Variants in BRINP3 observed in about 807,000 individuals in gnomAD.
The protein encoded by BRINP3 is BMP/retinoic acid-inducible neural-specific protein 3.
Under a neutral mutation model 71.0 loss-of-function variants are expected in BRINP3, and 19 were observed. The ratio of observed to expected loss-of-function variants is 0.27; its 90% confidence interval spans 0.19 to 0.39. BRINP3 has a LOEUF of 0.39. Among genes scored for constraint, BRINP3 ranks in the 10% least tolerant of loss-of-function variants. The pLI, the probability that BRINP3 is intolerant of heterozygous loss-of-function variation, is 1.00. For missense variants in BRINP3, 959 were observed against 940.8 expected (o/e 1.02, Z -0.25); for synonymous variants, 380 against 337.7 (o/e 1.13, Z -1.37).
At chr1:190,208,370 A>C (rs1433509367) in intron 6 of BRINP3, among the ~76,000 whole-genome samples, 3 of 152,084 alleles carry the variant, frequency 2.0e-5, no homozygotes, top group Non-Finnish European at 2.9e-5. Context: ...TACTTAATGC[A>C]TGCAGAGATA....
chr1:190,241,078 C>A (rs888621622), intron 4 of BRINP3, among the ~76,000 whole-genome samples: 1 of 151,684 alleles, frequency 6.6e-6, no homozygotes, highest in Non-Finnish European at 1.5e-5. Flanking sequence ...GTACTGGGCA[C>A]ATGGTAGAAA....
At chr1:190,264,803 C>A in intron 4 of BRINP3, 62 bp downstream of exon 4, 1 of 1,395,098 alleles carries the variant, frequency 7.2e-7, no homozygotes, top group Non-Finnish European at 9.8e-7. Flanking sequence ...ATAAAAATGC[C>A]TTTTGGATAT....
At chr1:190,402,279 T>C (rs1364429628) in intron 2 of BRINP3, among the ~76,000 whole-genome samples, 1 of 152,186 alleles carries the variant, frequency 6.6e-6, no homozygotes, top group Non-Finnish European at 1.5e-5. Context: ...CAGTTGATTC[T>C]AGTTTTCTCT....
intron 2 of BRINP3, among the ~76,000 whole-genome samples, chr1:190,306,863 T>G (rs1665138205): frequency 6.6e-6 from 1 of 152,016 alleles, no homozygotes; most frequent in South Asian, 2.1e-4. Context: ...GTTTAGAATA[T>G]TTAAATAAAA....
At chr1:190,437,578 A>G (rs1674547087) in intron 2 of BRINP3, among the ~76,000 whole-genome samples, 1 of 151,836 alleles carries the variant, frequency 6.6e-6, no homozygotes, top group Non-Finnish European at 1.5e-5. Context: ...CTACTATTAA[A>G]GTCTCTGTTA....
intron 7 of BRINP3, among the ~76,000 whole-genome samples, chr1:190,124,409 C>G (rs760870358): frequency 3.3e-5 from 5 of 152,024 alleles, no homozygotes; most frequent in Admixed American, 1.3e-4. Flanking sequence ...AATAGCAGCA[C>G]AAAACAGACT....
intron 2 of BRINP3, among the ~76,000 whole-genome samples, chr1:190,375,288 T>C (rs1670112619): frequency 1.3e-5 from 2 of 151,890 alleles, no homozygotes; most frequent in African/African-American, 2.4e-5. Context: ...TGTATATGTA[T>C]ACATATAAAT....
intron 2 of BRINP3, among the ~76,000 whole-genome samples, chr1:190,359,963 G>A (rs1429692197): frequency 6.6e-6 from 1 of 152,002 alleles, no homozygotes. Flanking sequence ...GCTTATTTAG[G>A]TTTATTATTA....
At chr1:190,167,012 A>G (rs1323808383) in intron 6 of BRINP3, among the ~76,000 whole-genome samples, 1 of 152,238 alleles carries the variant, frequency 6.6e-6, no homozygotes, top group Admixed American at 6.5e-5. Context: ...TGCGTGAGAC[A>G]TCGCGCCGGG....
chr1:190,258,914 G>A (rs1660919233), intron 4 of BRINP3, among the ~76,000 whole-genome samples: 1 of 152,036 alleles, frequency 6.6e-6, no homozygotes, highest in Non-Finnish European at 1.5e-5. Context: ...CAAAGTTGGA[G>A]GATCTCTTAA....
intron 2 of BRINP3, among the ~76,000 whole-genome samples, chr1:190,326,735 T>G (rs1225327414): frequency 6.6e-6 from 1 of 152,024 alleles, no homozygotes; most frequent in Non-Finnish European, 1.5e-5. Flanking sequence ...TAAAATATTT[T>G]CCAGACAAAC....
intron 7 of BRINP3, chr1:190,154,208 C>T (rs1656668563): frequency 4.0e-6 from 1 of 247,806 alleles, no homozygotes; most frequent in African/African-American, 2.3e-5. Flanking sequence ...CATGTATCCA[C>T]CTTAGGTGCA....
Position 190,277,507 on chromosome 1 carries a change from G to A in BRINP3, c.427+4053C>T, listed in dbSNP as rs535501499. On this transcript the variant is annotated intron_variant, in intron 3 of 7. Transcript: ENST00000367462. Reference sequence around the variant, plus strand: ...TTATAACATTTAATACATTTTTAATGAATATTTTGGTCTCTATGTTCCTTA... The same window carrying A: ...TTATAACATTTAATACATTTTTAATAAATATTTTGGTCTCTATGTTCCTTA... Among the ~76,000 whole-genome samples, 19 of 151,648 alleles carry A rather than the reference G, an allele frequency of 1.3e-4. No individual in the cohort carries two copies. In the South Asian group the frequency reaches 3.9e-3, roughly 31 times the overall value.
chr1:190,123,561 T>G (rs1271344560), intron 7 of BRINP3, among the ~76,000 whole-genome samples: 3 of 152,120 alleles, frequency 2.0e-5, no homozygotes, highest in East Asian at 1.9e-4. Context: ...TAAGTTATAC[T>G]TGCTATGACT....
chr1:190,465,308 T>C (rs1676667227), intron 1 of BRINP3, among the ~76,000 whole-genome samples: 1 of 151,960 alleles, frequency 6.6e-6, no homozygotes, highest in South Asian at 2.1e-4. Context: ...GAAAATCTAA[T>C]TTTAATATAA....
At chr1:190,472,092 G>T (rs1311720486) in intron 1 of BRINP3, among the ~76,000 whole-genome samples, 1 of 151,226 alleles carries the variant, frequency 6.6e-6, no homozygotes, top group African/African-American at 2.4e-5. Context: ...AAACTTACAT[G>T]GTATCCCTTG....
Position 190,098,166 on chromosome 1 carries a change from T to C in BRINP3, c.2153A>G (p.Gln718Arg). The change falls in exon 8 of 8, where the codon CAG (glutamine) becomes CGG (arginine). Residue 718 changes from glutamine to arginine, a missense_variant. By Grantham distance (43) the Gln-to-Arg change is conservative. Transcript: ENST00000367462. ...GCAAGAGAAAAGATCTAGACGACGCTGACCAGGTGGGGAGAGTTTATTTAC... is the reference window on the plus strand; with the variant it reads ...GCAAGAGAAAAGATCTAGACGACGCCGACCAGGTGGGGAGAGTTTATTTAC... Reference protein sequence around the residue: ...DRVNKLSPPGQRRLDLFSCLL... With the variant: ...DRVNKLSPPGRRRLDLFSCLL... 6.2e-7 allele frequency: 1 copy of C among 1,614,172 alleles called. No homozygotes were observed. The highest frequency in any genetic ancestry group is 8.5e-7 in the Non-Finnish European group (1 of 1,180,024).
At chr1:190,301,214 T>TATACACACATAC (rs1553283758) in intron 2 of BRINP3, among the ~76,000 whole-genome samples, 30 of 67,006 alleles carry the variant, frequency 4.5e-4, no homozygotes, top group African/African-American at 5.5e-4. Context: ...CATATATATA[T>TATACACACATAC]ATATATATAT....
In BRINP3 at chr1:190,456,525, C is replaced by T. The variant is rs1476319811; in HGVS notation, c.-50-1585G>A. Among the ~76,000 whole-genome samples the T allele has an allele frequency of 2.6e-5, 4 of 152,026 alleles. No individual in the cohort carries two copies. The East Asian group carries it at 7.7e-4, about 29-fold the overall frequency. ...ATTATCTATATAAATGTACCATTGT[C>T]AAATGATTCAACTCCTAACTTTCAA... On this transcript the variant is annotated intron_variant, in intron 1 of 7. Transcript: ENST00000367462.
Sources: gnomAD v4.1 joint callset for allele counts (sites outside exome capture counted in the v4.1 genomes callset) on GRCh38, gnomAD v4.1.1 for gene constraint, MANE v1.5 for transcripts, NCBI Gene and HGNC (gene_info 2026-07-23, HGNC 2026-07-21) for gene names.